The following NKIRAS2 variants were observed in gnomAD, a reference collection of about 807,000 sequenced individuals.
The protein encoded by NKIRAS2 is NFKB inhibitor interacting Ras like 2, also known as NF-kappa-B inhibitor-interacting Ras-like protein 2.
A neutral mutation model predicts 20.7 loss-of-function variants in NKIRAS2; 15 were observed. The ratio of observed to expected loss-of-function variants is 0.73; its 90% CI spans 0.49 to 1.12. NKIRAS2 has a LOEUF of 1.12. Among genes scored for constraint, NKIRAS2 ranks in the 50% most tolerant of loss-of-function variants. The pLI is 0.00. For synonymous variants in NKIRAS2, 116 were observed against 101.4 expected, an observed-to-expected ratio of 1.14 and a Z score of -0.87; for missense variants, 196 against 249.6, an observed-to-expected ratio of 0.79 and a Z score of 1.45.
intron 1 of NKIRAS2, chr17:42,020,639 C>T (rs1044923681): frequency 6.6e-6 from 1 of 152,162 alleles, no homozygotes; most frequent in African/African-American, 2.4e-5. Flanking sequence ...CCGTAGGTTT[C>T]TTCATTCTTT....
intron 2 of NKIRAS2, chr17:42,021,899 A>G (rs1339298201): frequency 1.4e-6 from 1 of 716,762 alleles, no homozygotes; most frequent in East Asian, 2.7e-5. Context: ...TGTGCTTAGC[A>G]TGGAATTAGC....
chr17:42,021,566 T>G lies in NKIRAS2; in HGVS notation c.-12T>G, dbSNP rs782670103. 1.9e-6 allele frequency: 3 copies of G among 1,613,946 alleles called. No homozygotes were observed. The South Asian group carries it at 3.3e-5, about 18-fold the overall frequency. ...CCAGCGTGCTTCTGTTCTTCAAGGT[T>G]GAAAACTAAGCATGGGGAAGAGCTG... On this transcript the variant is annotated splice_region_variant and 5_prime_UTR_variant, in exon 2 of 4. Coordinates refer to ENST00000393885, the MANE Select transcript of NKIRAS2 (RefSeq NM_017595.6).
In NKIRAS2 at chr17:42,022,595, G is replaced by A; in HGVS notation, c.291G>A (p.Val97=). 1 of 1,614,066 alleles carries A rather than the reference G, an allele frequency of 6.2e-7. No homozygotes were observed. Among genetic ancestry groups the A allele is most frequent in the Non-Finnish European group, 8.5e-7 (1 of 1,179,966 alleles). The change falls in exon 3 of 4, where the codon GTG becomes GTA. Residue 97 remains valine (V), a synonymous_variant. Coordinates refer to ENST00000393885, the MANE Select transcript of NKIRAS2 (RefSeq NM_017595.6). ...STDSRESFQR[V]ELLKKEIDKS... The stretch of plus-strand genomic sequence containing the variant: ...ATAGCAGAGAGTCTTTTCAGCGTGT[G>A]GAGCTGCTCAAGAAGGAGATTGACA...
At position 42,022,550 on chromosome 17, in the gene NKIRAS2, C is replaced by T. The variant is rs782627628; in HGVS notation, c.246C>T (p.Tyr82=). The T allele has an allele frequency of 2.0e-5, 33 of 1,614,018 alleles. No individual in the cohort carries two copies. The highest frequency in any genetic ancestry group is 1.6e-4 in the Middle Eastern group (1 of 6,084). ...PRHCFSCTDG[Y]VLVYSTDSRE... Reference sequence around the variant, plus strand: ...ACTGCTTCTCTTGCACTGATGGCTACGTCCTGGTCTATAGCACAGATAGCA... The same window carrying T: ...ACTGCTTCTCTTGCACTGATGGCTATGTCCTGGTCTATAGCACAGATAGCA... Residue 82 remains tyrosine (Y), a synonymous_variant, in exon 3 of 4, where the codon TAC becomes TAT. Transcript: ENST00000393885.
chr17:42,021,776 C>T, intron 2 of NKIRAS2, 105 bp downstream of exon 2: 2 of 1,047,452 alleles, frequency 1.9e-6, no homozygotes, highest in Non-Finnish European at 3.0e-6. Flanking sequence ...GTGGTTTTCC[C>T]CCCTGGAAGA....
chr17:42,024,029 C>T lies in NKIRAS2; in HGVS notation c.*136C>T, dbSNP rs1391409664. The T allele has an allele frequency of 7.4e-7, 1 of 1,360,234 alleles. No homozygotes were observed. The highest frequency in any genetic ancestry group is 9.8e-7 in the Non-Finnish European group (1 of 1,020,354). 84.3% of individuals were successfully genotyped at this position (1,360,234 alleles called of 1,614,324 possible). On this transcript the variant is annotated 3_prime_UTR_variant, in exon 4 of 4. Coordinates refer to ENST00000393885, the MANE Select transcript of NKIRAS2 (RefSeq NM_017595.6). Reference sequence around the variant, plus strand: ...AGCTCCCCGCCAGGCCACGCCCCAGCCACTTTGCTCCCTCTCACCTCTGGG... The same window carrying T: ...AGCTCCCCGCCAGGCCACGCCCCAGTCACTTTGCTCCCTCTCACCTCTGGG...
upstream of NKIRAS2, among the ~76,000 whole-genome samples, chr17:42,018,231 C>T (rs962068443): frequency 9.9e-5 from 15 of 152,204 alleles, no homozygotes; most frequent in East Asian, 2.3e-3. Context: ...CTTGCCTTGC[C>T]GAATGCGGTC....
Position 42,024,084 on chromosome 17 carries a change from T to C in NKIRAS2, c.*191T>C. The C allele has an allele frequency of 2.5e-6, 2 of 800,300 alleles. No homozygotes were observed. Among genetic ancestry groups the C allele is most frequent in the Non-Finnish European group, 3.8e-6 (2 of 527,226 alleles). 49.6% of individuals were successfully genotyped at this position (800,300 alleles called of 1,614,324 possible). Reference sequence around the variant, plus strand: ...GCAAATACTCTTGGTTGACATCCCCTTCCTCAGCCCTCCCAGCCTACTCCC... The same window carrying C: ...GCAAATACTCTTGGTTGACATCCCCCTCCTCAGCCCTCCCAGCCTACTCCC... On this transcript the variant is annotated 3_prime_UTR_variant, in exon 4 of 4. Transcript: ENST00000393885.
At chr17:42,020,011 GGTCC>G (rs1259707424), upstream of NKIRAS2, 1 of 152,366 alleles carries the variant, frequency 6.6e-6, no homozygotes, top group African/African-American at 2.4e-5. Context: ...GGAGCTGCGC[GGTCC>G]GCGCTCTCTC....
At position 42,024,932 on chromosome 17, in the gene NKIRAS2, G is replaced by GCAT. The variant is rs2052541771; in HGVS notation, c.*1042_*1044dup. 6.6e-6 allele frequency: 1 copy of GCAT among 152,616 alleles called. No homozygotes were observed. Among genetic ancestry groups the GCAT allele is most frequent in the Non-Finnish European group, 1.5e-5 (1 of 68,058 alleles). The allele number at this position is 152,616 out of a possible 1,614,324, so 9.5% of individuals were successfully genotyped here. A position where few individuals can be genotyped will look rare whatever the true frequency, so the allele number is the denominator to read the frequency against. On this transcript the variant is annotated 3_prime_UTR_variant, in exon 4 of 4. Coordinates refer to ENST00000393885, the MANE Select transcript of NKIRAS2 (RefSeq NM_017595.6). Reference sequence around the variant, plus strand: ...CCAGCAAGACCTTTCCCCTCTCTGGGCATCAGTTTCTCATCTGTAAGATGA... The same window carrying GCAT: ...CCAGCAAGACCTTTCCCCTCTCTGGGCATCATCAGTTTCTCATCTGTAAGATGA...
intron 2 of NKIRAS2, 142 bp from the exon 3 acceptor site, chr17:42,022,257 C>T (rs980334413): frequency 3.0e-5 from 24 of 809,788 alleles, no homozygotes; most frequent in Middle Eastern, 3.1e-4. Context: ...CAAATCATTT[C>T]AGTCCTGCCA....
upstream of NKIRAS2, chr17:42,017,767 G>A (rs1165394712): frequency 1.1e-5 from 4 of 360,822 alleles, no homozygotes; most frequent in Non-Finnish European, 2.1e-5. Flanking sequence ...TTCCTGAAAG[G>A]CTCCGTGGAG....
chr17:42,022,579 A>G lies in NKIRAS2; in HGVS notation c.275A>G (p.Glu92Gly), dbSNP rs1555653325. The G allele has an allele frequency of 5.0e-6, 8 of 1,613,908 alleles. No homozygotes were observed. Among genetic ancestry groups the G allele is most frequent in the Non-Finnish European group, 6.8e-6 (8 of 1,179,992 alleles). Residue 92 changes from glutamate to glycine, a missense_variant, in exon 3 of 4, where the codon GAG (glutamate) becomes GGG (glycine). Coordinates refer to ENST00000393885, the MANE Select transcript of NKIRAS2 (RefSeq NM_017595.6). ...YVLVYSTDSR[E>G]SFQRVELLKK... is the part of the protein sequence containing the mutation. The stretch of plus-strand genomic sequence containing the variant: ...CTGGTCTATAGCACAGATAGCAGAG[A>G]GTCTTTTCAGCGTGTGGAGCTGCTC...
rs1162210875 is a variant in NKIRAS2, at chr17:42,025,461, A to G, written c.*1568A>G. ...CTTTGTGCTTCTAAGGTGCACACCTAGCCTAGGTGAGACACTGCAGCCAGG... is the reference window on the plus strand; with the variant it reads ...CTTTGTGCTTCTAAGGTGCACACCTGGCCTAGGTGAGACACTGCAGCCAGG... On this transcript the variant is annotated 3_prime_UTR_variant, in exon 4 of 4. Coordinates refer to ENST00000393885, the MANE Select transcript of NKIRAS2 (RefSeq NM_017595.6). The G allele has an allele frequency of 1.3e-5, 2 of 152,574 alleles. No individual in the cohort carries two copies. The highest frequency in any genetic ancestry group is 2.9e-5 in the Non-Finnish European group (2 of 68,046). The allele number at this position is 152,574 out of a possible 1,614,324, so 9.5% of individuals were successfully genotyped here.
chr17:42,021,209 C>T, intron 1 of NKIRAS2: 1 of 232,226 alleles, frequency 4.3e-6, no homozygotes. Context: ...GGGAACCTGG[C>T]CCAGTGGCCA....
chr17:42,022,456 G>C lies in NKIRAS2; in HGVS notation c.152G>C (p.Arg51Pro), dbSNP rs781878749. Reference protein sequence around the residue: ...DIYVGSIETDRGVREQVRFYD... With the variant: ...DIYVGSIETDPGVREQVRFYD... ...TACGTGGGCTCCATTGAGACAGACC[G>C]GGGGGTGCGAGAGCAGGTGCGTTTC... Residue 51 changes from arginine to proline, a missense_variant, in exon 3 of 4, where the codon CGG (arginine) becomes CCG (proline). Transcript: ENST00000393885. The C allele has an allele frequency of 3.1e-6, 5 of 1,609,418 alleles. No individual in the cohort carries two copies. Among genetic ancestry groups the C allele is most frequent in the East Asian group, 2.2e-5 (1 of 44,738 alleles).
intron 2 of NKIRAS2, chr17:42,021,930 C>G: frequency 1.5e-6 from 1 of 654,956 alleles, no homozygotes; most frequent in East Asian, 3.2e-5. Flanking sequence ...TGTCCATTGG[C>G]CGGGTGCGGT....
At chr17:42,023,633 T>C in intron 3 of NKIRAS2, 21 bp from the exon 4 acceptor site, 1 of 1,610,938 alleles carries the variant, frequency 6.2e-7, no homozygotes. Context: ...CACAGGCCTA[T>C]GCTCTGTCCC....
rs782320086 is a variant in NKIRAS2 at position 42,022,357 on chromosome 17, A to ATC, written c.95-33_95-32dup. ...GATGCTCTCATCACTCACATTTCCC[A>ATC]TCTCTCTCTCCACTTCAGACAGTTT... On this transcript the variant is annotated intron_variant, in intron 2 of 3. Coordinates refer to ENST00000393885, the MANE Select transcript of NKIRAS2 (RefSeq NM_017595.6). 20 of 1,535,770 alleles carry ATC rather than the reference A, an allele frequency of 1.3e-5. No homozygotes were observed. The African/African-American group carries it at 2.5e-4, about 19-fold the overall frequency.
Sources: gnomAD v4.1 joint callset for allele counts (sites outside exome capture counted in the v4.1 genomes callset) on GRCh38, gnomAD v4.1.1 for gene constraint, MANE v1.5 for transcripts, NCBI Gene and HGNC (gene_info 2026-07-23, HGNC 2026-07-21) for gene names.